The following NFKB1 variants were observed in gnomAD, a reference collection of about 807,000 sequenced individuals.
The protein encoded by NFKB1 is nuclear factor kappa B subunit 1, also known as nuclear factor NF-kappa-B p105 subunit.
Under a neutral mutation model 105.1 loss-of-function variants are expected in NFKB1, and 9 were observed. That is an observed-to-expected ratio of 0.09 (90% CI 0.05 to 0.15). The LOEUF is 0.15. Among genes scored for constraint, NFKB1 ranks in the 10% least tolerant of loss-of-function variants. The pLI is 1.00. For missense variants in NFKB1, 830 were observed against 1,203.7 expected (o/e 0.69, Z 4.59); for synonymous variants, 440 against 442.2 (o/e 1.00, Z 0.06).
In NFKB1 at chr4:102,514,237, G is replaced by A. The variant is rs574775275; in HGVS notation, c.-7-11275G>A. 3.3e-5 allele frequency among the ~76,000 whole-genome samples: 5 copies of A among 152,076 alleles called. No individual in the cohort carries two copies. In the South Asian group the frequency reaches 8.3e-4, roughly 25 times the overall value. On this transcript the variant is annotated intron_variant, in intron 1 of 23. Transcript: ENST00000226574. ...CTCTAAAATCATTCAGTGGGGTGTT[G>A]TAGACACACTAGGTTCTTTTGATTG...
chr4:102,598,502 A>G (rs1726837567), intron 15 of NFKB1, among the ~76,000 whole-genome samples: 1 of 152,184 alleles, frequency 6.6e-6, no homozygotes, highest in Admixed American at 6.5e-5. Flanking sequence ...TTAGGAAAGT[A>G]ACAACCTCAG....
rs752251669 is a variant in NFKB1 at position 102,606,663 on chromosome 4, G to A, written c.1920G>A (p.Lys640=). The part of the protein sequence containing the change: ...KVLSILLKHK[K]AALLLDHPNG... Reference sequence around the variant, plus strand: ...TCAGTATCTTACTCAAGCACAAAAAGGCAGCACTACTTCTTGACCACCCCA... The same window carrying A: ...TCAGTATCTTACTCAAGCACAAAAAAGCAGCACTACTTCTTGACCACCCCA... Residue 640 remains lysine, a synonymous_variant, in exon 17 of 24, where the codon AAG becomes AAA. Transcript: ENST00000226574. The A allele has an allele frequency of 2.4e-5, 38 of 1,614,026 alleles. No homozygotes were observed. The highest frequency in any genetic ancestry group is 3.1e-5 in the Non-Finnish European group (37 of 1,180,024).
intron 16 of NFKB1, among the ~76,000 whole-genome samples, chr4:102,602,332 C>A (rs1219734613): frequency 6.6e-6 from 1 of 150,566 alleles, no homozygotes; most frequent in Non-Finnish European, 1.5e-5. Context: ...AGATCGAGAT[C>A]ATCCTGGCTA....
chr4:102,526,695 C>T (rs1181779643), intron 2 of NFKB1, among the ~76,000 whole-genome samples: 1 of 152,090 alleles, frequency 6.6e-6, no homozygotes, highest in Admixed American at 6.6e-5. Context: ...TAGCACCACA[C>T]TAACAGGGAT....
intron 11 of NFKB1, among the ~76,000 whole-genome samples, chr4:102,590,423 AG>A (rs367784238): frequency 5.9e-5 from 9 of 152,232 alleles, no homozygotes; most frequent in African/African-American, 2.2e-4. Context: ...TACAAATTGA[AG>A]GTTTGTGGCA....
intron 1 of NFKB1, among the ~76,000 whole-genome samples, chr4:102,507,046 TA>T (rs1335667519): frequency 3.4e-5 from 5 of 149,136 alleles, no homozygotes; most frequent in South Asian, 2.1e-4. Context: ...TTATATTTAA[TA>T]TATATTAGTT....
intron 14 of NFKB1, among the ~76,000 whole-genome samples, chr4:102,596,905 G>A (rs772493749): frequency 6.6e-6 from 1 of 151,792 alleles, no homozygotes; most frequent in African/African-American, 2.4e-5. Flanking sequence ...GGCCACATGT[G>A]GTGTCTATCA....
chr4:102,588,530 A>G (rs1447820477), intron 11 of NFKB1, among the ~76,000 whole-genome samples: 2 of 152,210 alleles, frequency 1.3e-5, no homozygotes, highest in African/African-American at 4.8e-5. Flanking sequence ...TCTTTAAATT[A>G]TGAAAGGTAT....
intron 11 of NFKB1, among the ~76,000 whole-genome samples, chr4:102,585,814 TAAAC>T (rs1725665304): frequency 6.6e-6 from 1 of 152,132 alleles, no homozygotes; most frequent in Admixed American, 6.6e-5. Flanking sequence ...AGTTGGGTGT[TAAAC>T]AGAGAAGGAG....
intron 15 of NFKB1, among the ~76,000 whole-genome samples, chr4:102,600,556 C>G (rs1727055759): frequency 6.6e-6 from 1 of 152,170 alleles, no homozygotes; most frequent in African/African-American, 2.4e-5. Flanking sequence ...CCGCCCAAAG[C>G]CATGGTATAG....
At chr4:102,548,227 G>A (rs1249976950) in intron 5 of NFKB1, among the ~76,000 whole-genome samples, 1 of 152,044 alleles carries the variant, frequency 6.6e-6, no homozygotes, top group East Asian at 1.9e-4. Context: ...GTTTTAATAG[G>A]TGGGTTTCAA....
In NFKB1 at chr4:102,561,296, T is replaced by TGTGC. The variant is rs1553932422; in HGVS notation, c.259-5690_259-5689insTGCG. On this transcript the variant is annotated intron_variant, in intron 5 of 23. Transcript: ENST00000226574. ...TTTTTTTTTTTTGTGTGTGTGTGTG[T>TGTGC]GCCTGATAATCTGACTTGCAACCTC... is the stretch of plus-strand genomic sequence containing the variant. Among the ~76,000 whole-genome samples, 429 of 133,420 alleles carry TGTGC rather than the reference T, an allele frequency of 3.2e-3. 12 individuals are homozygous for TGTGC. The highest frequency in any genetic ancestry group is 6.8e-3 in the African/African-American group (239 of 35,190). The allele number at this position is 133,420 out of a possible 152,430, so 87.5% of individuals were successfully genotyped here.
chr4:102,510,767 T>G (rs1739725855), intron 1 of NFKB1: 1 of 202,128 alleles, frequency 4.9e-6, no homozygotes, highest in Non-Finnish European at 9.2e-6. Context: ...ATGTAAAGTT[T>G]AATATTTAAA....
chr4:102,561,645 G>A (rs1246965769), intron 5 of NFKB1, among the ~76,000 whole-genome samples: 2 of 152,142 alleles, frequency 1.3e-5, no homozygotes, highest in Admixed American at 6.5e-5. Flanking sequence ...AGGATTGCCT[G>A]ATCGCTCCAT....
chr4:102,537,854 G>C lies in NFKB1; in HGVS notation c.160-4G>C, dbSNP rs1197470444. The C allele has an allele frequency of 6.3e-7, 1 of 1,585,586 alleles. No homozygotes were observed. Among genetic ancestry groups the C allele is most frequent in the South Asian group, 1.1e-5 (1 of 90,178 alleles). On this transcript the variant is annotated splice_region_variant and splice_polypyrimidine_tract_variant and intron_variant, in intron 4 of 23. Coordinates refer to ENST00000226574, the MANE Select transcript of NFKB1 (RefSeq NM_003998.4). ...CTTAATTGGCTTAACGTTCACCTTT[G>C]CAGAGAGGATTTCGTTTCCGTTATG... is the stretch of plus-strand genomic sequence containing the variant.
intron 15 of NFKB1, among the ~76,000 whole-genome samples, 176 bp downstream of exon 15, chr4:102,597,837 C>T (rs1001447081): frequency 6.6e-6 from 1 of 152,196 alleles, no homozygotes; most frequent in South Asian, 2.1e-4. Context: ...GCTGCTCCAT[C>T]CTGCTGCTGT....
chr4:102,528,266 C>T (rs1741055892), intron 2 of NFKB1, among the ~76,000 whole-genome samples: 1 of 152,076 alleles, frequency 6.6e-6, no homozygotes, highest in South Asian at 2.1e-4. Context: ...CTGTTAAAAT[C>T]CTGTATGAAA....
At chr4:102,588,185 TATTG>T (rs1411492569) in intron 11 of NFKB1, among the ~76,000 whole-genome samples, 1 of 152,178 alleles carries the variant, frequency 6.6e-6, no homozygotes, top group Non-Finnish European at 1.5e-5. Flanking sequence ...TGGACTGACT[TATTG>T]ATTGACCAGC....
intron 18 of NFKB1, 58 bp downstream of exon 18, chr4:102,607,377 CTTTTCAAAGAAGGA>C: frequency 1.3e-6 from 2 of 1,569,036 alleles, no homozygotes; most frequent in Non-Finnish European, 1.7e-6. Flanking sequence ...TTAAGGAAAT[CTTTTCAAAGAAGGA>C]AGTCAGTAGC....
Sources: allele counts gnomAD v4.1 joint callset (sites outside exome capture counted in the v4.1 genomes callset), GRCh38; gene constraint gnomAD v4.1.1; transcripts MANE v1.5; gene names NCBI Gene and HGNC (gene_info 2026-07-23, HGNC 2026-07-21).